The following SNAPC1 variants were observed in gnomAD, a reference collection of about 807,000 sequenced individuals.
SNAPC1 encodes the protein snRNA-activating protein complex subunit 1.
SNAPC1 carries 42 observed loss-of-function variants against 50.1 expected under a neutral mutation model. That is an observed-to-expected ratio of 0.84 (90% CI 0.65 to 1.08). SNAPC1 has a LOEUF of 1.08. Among genes scored for constraint, SNAPC1 ranks in the 50% least tolerant of loss-of-function variants. The pLI is 0.00. For synonymous variants in SNAPC1, 164 were observed against 144.2 expected (o/e 1.14, Z -0.98); for missense variants, 477 against 427.3 (o/e 1.12, Z -1.02).
rs2044967163 is a variant in SNAPC1 at position 61,768,759 on chromosome 14, T to C, written c.534+19T>C. On this transcript the variant is annotated intron_variant, in intron 4 of 9. Transcript: ENST00000216294. ...ATTAGAGGTAAATTTTCTTTTATGC[T>C]CTTGAAAATTTTTAAAAATTGTTTT... 1.4e-6 allele frequency: 2 copies of C among 1,408,436 alleles called. No homozygotes were observed. The highest frequency in any genetic ancestry group is 2.0e-6 in the Non-Finnish European group (2 of 1,003,618). 87.2% of individuals were successfully genotyped at this position (1,408,436 alleles called of 1,614,324 possible). A position where few individuals can be genotyped will look rare whatever the true frequency, so the allele number is the denominator to read the frequency against.
chr14:61,788,182 C>T (rs2045128190), intron 8 of SNAPC1, among the ~76,000 whole-genome samples: 1 of 152,114 alleles, frequency 6.6e-6, no homozygotes, highest in African/African-American at 2.4e-5. Context: ...GGAGGATTTA[C>T]CCATGAGAAA....
chr14:61,795,222 G>A lies in SNAPC1; in HGVS notation c.*239G>A, dbSNP rs1164913477. 1 of 447,298 alleles carries A rather than the reference G, an allele frequency of 2.2e-6. No homozygotes were observed. The highest frequency in any genetic ancestry group is 2.1e-5 in the African/African-American group (1 of 48,274). 27.7% of individuals were successfully genotyped at this position (447,298 alleles called of 1,614,324 possible). A position where few individuals can be genotyped will look rare whatever the true frequency, so the allele number is the denominator to read the frequency against. ...TGGAGATAAAACTTGTATTTAGTAT[G>A]TAATAGAAAAAATTCTGTTATTCGC... is the stretch of plus-strand genomic sequence containing the variant. On this transcript the variant is annotated 3_prime_UTR_variant, in exon 10 of 10. Transcript: ENST00000216294.
chr14:61,783,955 T>C (rs1378080758), intron 8 of SNAPC1, among the ~76,000 whole-genome samples: 3 of 152,232 alleles, frequency 2.0e-5, no homozygotes, highest in Non-Finnish European at 4.4e-5. Context: ...ACAGTAAATA[T>C]TTAATGACTA....
At chr14:61,771,701 A>G (rs542031021) in intron 4 of SNAPC1, among the ~76,000 whole-genome samples, 5 of 152,306 alleles carry the variant, frequency 3.3e-5, no homozygotes, top group Admixed American at 3.3e-4. Context: ...AGAGGTAGCG[A>G]GCAAGGTTCC....
intron 4 of SNAPC1, among the ~76,000 whole-genome samples, chr14:61,772,854 A>G (rs6573400): frequency 0.35 from 53,577 of 152,060 alleles, 10,012 homozygotes; most frequent in African/African-American, 0.46. Context: ...AGAAGGGTCA[A>G]GCTATGAAAT....
At chr14:61,777,084 G>T (rs1425884796) in intron 5 of SNAPC1, among the ~76,000 whole-genome samples, 1 of 152,104 alleles carries the variant, frequency 6.6e-6, no homozygotes, top group Non-Finnish European at 1.5e-5. Flanking sequence ...TAATGTGTTG[G>T]TGTTTTCACA....
chr14:61,779,045 G>T, intron 7 of SNAPC1, 135 bp downstream of exon 7: 1 of 546,284 alleles, frequency 1.8e-6, no homozygotes, highest in Non-Finnish European at 3.2e-6. Context: ...TAGCACAACA[G>T]TCCCCTTCTC....
At position 61,792,867 on chromosome 14, in the gene SNAPC1, CAGA is replaced by C. The variant is rs757556597; in HGVS notation, c.1047_1049del (p.Glu350del). On this transcript the variant is annotated inframe_deletion, in exon 9 of 10. Coordinates refer to ENST00000216294, the MANE Select transcript of SNAPC1 (RefSeq NM_003082.4). ...TTAAGTCTGAGTATGCCTGTAATTACAGAAGAAGAAGAGAATGAAAGTTTGAGT... is the reference window on the plus strand; with the variant it reads ...TTAAGTCTGAGTATGCCTGTAATTACAGAAGAAGAGAATGAAAGTTTGAGT... 12 of 1,605,480 alleles carry C rather than the reference CAGA, an allele frequency of 7.5e-6. No homozygotes were observed. Among genetic ancestry groups the C allele is most frequent in the African/African-American group, 6.7e-5 (5 of 74,544 alleles).
At chr14:61,770,452 C>T (rs1267983326) in intron 4 of SNAPC1, among the ~76,000 whole-genome samples, 1 of 151,852 alleles carries the variant, frequency 6.6e-6, no homozygotes, top group East Asian at 1.9e-4. Context: ...CTGTGTTGAC[C>T]AGGTTGGTCT....
rs767934115 is a variant in SNAPC1, at chr14:61,796,355, G to A, written c.*1372G>A. 1 of 151,758 alleles carries A rather than the reference G, an allele frequency of 6.6e-6. No individual in the cohort carries two copies. The highest frequency in any genetic ancestry group is 2.4e-5 in the African/African-American group (1 of 41,316). 9.4% of individuals were successfully genotyped at this position (151,758 alleles called of 1,614,324 possible). ...AAAGTTTGGGTTGAAGATCAAATTCGTGATATCTCTATATCTAATCTTTAA... is the reference window on the plus strand; with the variant it reads ...AAAGTTTGGGTTGAAGATCAAATTCATGATATCTCTATATCTAATCTTTAA... On this transcript the variant is annotated 3_prime_UTR_variant, in exon 10 of 10. Transcript: ENST00000216294.
At chr14:61,774,146 C>G (rs2045016236) in intron 4 of SNAPC1, among the ~76,000 whole-genome samples, 1 of 149,072 alleles carries the variant, frequency 6.7e-6, no homozygotes, top group Non-Finnish European at 1.5e-5. Context: ...TCTTTTATTT[C>G]TTATTTAATT....
rs397740356 is a variant in SNAPC1, at chr14:61,796,318, C to CA, written c.*1349dup. 0.22 allele frequency: 27,592 copies of CA among 127,778 alleles called. 2,699 individuals are homozygous for CA. Among genetic ancestry groups the CA allele is most frequent in the African/African-American group, 0.3 (10,500 of 35,334 alleles). 7.9% of individuals were successfully genotyped at this position (127,778 alleles called of 1,614,324 possible). On this transcript the variant is annotated 3_prime_UTR_variant, in exon 10 of 10. Transcript: ENST00000216294. ...TGGGCAACAGAGTGAGACTTCGTCT[C>CA]AAAAAAAAAAAAAAGTTTGGGTTGA... is the stretch of plus-strand genomic sequence containing the variant.
rs755667614 is a variant in SNAPC1 at position 61,768,715 on chromosome 14, A to G, written c.509A>G (p.Lys170Arg). The change falls in exon 4 of 10, where the codon AAA becomes AGA. Residue 170 changes from lysine (K) to arginine (R), a missense_variant. By Grantham distance (26) the Lys-to-Arg change is conservative. Transcript: ENST00000216294. ...EFKDPSDRVM[K>R]LITSDVLEEM... is the part of the protein sequence containing the mutation. ...AAGGACCCAAGTGATCGTGTGATGA[A>G]ACTTATCACTTCTGATGTATTAGAG... 1 of 1,606,290 alleles carries G rather than the reference A, an allele frequency of 6.2e-7. No individual in the cohort carries two copies. The highest frequency in any genetic ancestry group is 1.7e-5 in the Admixed American group (1 of 59,442).
In SNAPC1 at chr14:61,776,382, G is replaced by A. The variant is rs111499688; in HGVS notation, c.693+129G>A. 1.5e-4 allele frequency: 118 copies of A among 786,288 alleles called. 2 individuals are homozygous for A. Among genetic ancestry groups the A allele is most frequent in the African/African-American group, 1.3e-3 (73 of 56,042 alleles). The allele number at this position is 786,288 out of a possible 1,614,324, so 48.7% of individuals were successfully genotyped here. A position where few individuals can be genotyped will look rare whatever the true frequency, so the allele number is the denominator to read the frequency against. ...GTGGAGCTAAGATTTATAGGGCTTG[G>A]CTTTTCTAGTTCCACTTTTGCCACT... On this transcript the variant is annotated intron_variant, in intron 5 of 9. Coordinates refer to ENST00000216294, the MANE Select transcript of SNAPC1 (RefSeq NM_003082.4).
At chr14:61,785,840 A>G (rs756645301) in intron 8 of SNAPC1, among the ~76,000 whole-genome samples, 1 of 152,170 alleles carries the variant, frequency 6.6e-6, no homozygotes, top group African/African-American at 2.4e-5. Context: ...AAGCAATCAG[A>G]TATGCATTTG....
rs183085674 is a variant in SNAPC1, at chr14:61,781,374, C to T, written c.826-873C>T. On this transcript the variant is annotated intron_variant, in intron 7 of 9. Coordinates refer to ENST00000216294, the MANE Select transcript of SNAPC1 (RefSeq NM_003082.4). Reference sequence around the variant, plus strand: ...TAAGGCAGGAGAATGGCGTGAACCCCGGGAGGTAGAGGTTGCAGCGAGCTG... The same window carrying T: ...TAAGGCAGGAGAATGGCGTGAACCCTGGGAGGTAGAGGTTGCAGCGAGCTG... Among the ~76,000 whole-genome samples, 139 of 143,848 alleles carry T rather than the reference C, an allele frequency of 9.7e-4. 2 individuals carry two copies. The highest frequency in any genetic ancestry group is 3.4e-3 in the African/African-American group (131 of 38,310). The allele number at this position is 143,848 out of a possible 152,430, so 94.4% of individuals were successfully genotyped here.
Position 61,783,671 on chromosome 14 carries a change from G to A in SNAPC1, c.976+1274G>A, listed in dbSNP as rs2045094571. On this transcript the variant is annotated intron_variant, in intron 8 of 9. Coordinates refer to ENST00000216294, the MANE Select transcript of SNAPC1 (RefSeq NM_003082.4). Reference sequence around the variant, plus strand: ...CTGTCTGAGCCTCCCAAGTAGCTGGGACTACAGGCGCCCACCACCATGCCT... The same window carrying A: ...CTGTCTGAGCCTCCCAAGTAGCTGGAACTACAGGCGCCCACCACCATGCCT... 2.0e-5 allele frequency among the ~76,000 whole-genome samples: 3 copies of A among 151,618 alleles called. No individual in the cohort carries two copies. In the South Asian group the frequency reaches 6.2e-4, roughly 32 times the overall value.
intron 4 of SNAPC1, among the ~76,000 whole-genome samples, chr14:61,769,114 C>T (rs2044969352): frequency 6.6e-6 from 1 of 152,046 alleles, no homozygotes; most frequent in African/African-American, 2.4e-5. Context: ...AATCTCAGCA[C>T]TTTGGGAGGC....
rs140742933 is a variant in SNAPC1, at chr14:61,768,936, A to G, written c.534+196A>G. On this transcript the variant is annotated intron_variant, in intron 4 of 9. Coordinates refer to ENST00000216294, the MANE Select transcript of SNAPC1 (RefSeq NM_003082.4). ...TTACAAATCTTGAAATAGCGTGAGA[A>G]AAAAAGATGTAGAAGACTGGACCTG... Among the ~76,000 whole-genome samples the G allele has an allele frequency of 9.2e-3, 1,407 of 152,336 alleles. 11 individuals carry two copies. The highest frequency in any genetic ancestry group is 0.014 in the Middle Eastern group (4 of 294).
Sources: allele counts gnomAD v4.1 joint callset (sites outside exome capture counted in the v4.1 genomes callset), GRCh38; gene constraint gnomAD v4.1.1; transcripts MANE v1.5; gene names NCBI Gene and HGNC (gene_info 2026-07-23, HGNC 2026-07-21).